NEMP2: variants seen among roughly 807,000 people sequenced by gnomAD.
NEMP2 encodes the protein nuclear envelope integral membrane protein 2.
Under a neutral mutation model 54.2 loss-of-function variants are expected in NEMP2, and 53 were observed. The ratio of observed to expected loss-of-function variants is 0.98; its 90% CI spans 0.78 to 1.23. The LOEUF is 1.23. Ranked by LOEUF, NEMP2 falls within the 50% of genes most tolerant of loss-of-function variation. NEMP2 has a pLI of 0.00. For missense variants in NEMP2, 455 were observed against 511.3 expected, an observed-to-expected ratio of 0.89 and a Z score of 1.06; for synonymous variants, 197 against 190.3, an observed-to-expected ratio of 1.04 and a Z score of -0.29.
chr2:190,547,636 G>A, the NEMP2 span, among the ~76,000 whole-genome samples: 87 of 152,190 alleles, frequency 5.7e-4, 1 homozygote, highest in South Asian at 0.016. The surrounding 1 kb of genome is among the most constrained non-coding windows in gnomAD (Gnocchi z 6.2). Context: ...AGCGATTCTC[G>A]TGCTTCAACC....
chr2:190,510,429 T>C lies in NEMP2; in HGVS notation c.1062A>G (p.Leu354=), dbSNP rs2125304074. The change falls in exon 8 of 9, where the codon CTA becomes CTG. Residue 354 remains leucine (L), a synonymous_variant. Transcript: ENST00000409150. This position sits in a 1 kb window ranked among gnomAD's most constrained non-coding sequence, Gnocchi z 5.7. The stretch of plus-strand genomic sequence containing the variant: ...AGTCGGGTTTTCGGCAGGCCCGGCG[T>C]AGCTCCTCCAGAGCACTGTTCGTTT... ...DAETNSALEE[L]RRACRKPDFP... is the part of the protein sequence containing the mutation. The C allele has an allele frequency of 6.4e-7, 1 of 1,551,676 alleles. No homozygotes were observed. The highest frequency in any genetic ancestry group is 8.7e-7 in the Non-Finnish European group (1 of 1,146,986).
the NEMP2 span, among the ~76,000 whole-genome samples, chr2:190,588,293 C>T: frequency 6.6e-6 from 1 of 152,078 alleles, no homozygotes; most frequent in East Asian, 1.9e-4. This position sits in a 1 kb window ranked among gnomAD's most constrained non-coding sequence, Gnocchi z 5.0. Flanking sequence ...CTTTCAATGG[C>T]CTAGATTATA....
At chr2:190,607,119 C>T in the NEMP2 span, among the ~76,000 whole-genome samples, 1 of 152,118 alleles carries the variant, frequency 6.6e-6, no homozygotes. This position sits in a 1 kb window ranked among gnomAD's most constrained non-coding sequence, Gnocchi z 5.2. Context: ...AGAAGGGGTT[C>T]ACGAGGGCTG....
chr2:190,544,798 T>G, the NEMP2 span, among the ~76,000 whole-genome samples: 1 of 151,906 alleles, frequency 6.6e-6, no homozygotes, highest in Non-Finnish European at 1.5e-5. Flanking sequence ...ATTATTTTTT[T>G]AAAAAGTAGC....
chr2:190,452,909 C>T, the NEMP2 span, among the ~76,000 whole-genome samples: 17 of 152,118 alleles, frequency 1.1e-4, no homozygotes, highest in African/African-American at 1.4e-4. Context: ...ATGATGACCA[C>T]GTATCATTTA....
chr2:190,476,414 A>G, the NEMP2 span, among the ~76,000 whole-genome samples: 1 of 152,270 alleles, frequency 6.6e-6, no homozygotes, highest in Non-Finnish European at 1.5e-5. Context: ...GACTCTTCTC[A>G]AAAGAAGACA....
rs962569150 is a variant in NEMP2, at chr2:190,512,432, T to C, written c.954-1895A>G. 6.6e-5 allele frequency among the ~76,000 whole-genome samples: 10 copies of C among 152,330 alleles called. No individual in the cohort carries two copies. Among genetic ancestry groups the C allele is most frequent in the African/African-American group, 1.9e-4 (8 of 41,578 alleles). ...TAAACAGCTCTTTGCAACTAGAAAG[T>C]ACTATACAAAATAAAGGTATTATTT... On this transcript the variant is annotated intron_variant, in intron 7 of 8. Transcript: ENST00000409150. The surrounding 1 kb of genome is among the most constrained non-coding windows in gnomAD (Gnocchi z 4.5).
the NEMP2 span, among the ~76,000 whole-genome samples, chr2:190,556,196 C>G: frequency 6.6e-6 from 1 of 152,280 alleles, no homozygotes; most frequent in East Asian, 1.9e-4. Context: ...TAATTGTGAT[C>G]CATCACATAA....
chr2:190,429,509 G>A, the NEMP2 span, among the ~76,000 whole-genome samples: 1 of 151,846 alleles, frequency 6.6e-6, no homozygotes, highest in Non-Finnish European at 1.5e-5. Flanking sequence ...TATTTTTTTA[G>A]TAAAGACGGG....
the NEMP2 span, chr2:190,609,327 C>G: frequency 6.6e-6 from 1 of 152,170 alleles, no homozygotes; most frequent in Non-Finnish European, 1.5e-5. This position sits in a 1 kb window ranked among gnomAD's most constrained non-coding sequence, Gnocchi z 4.7. Context: ...TTTACTTAAT[C>G]TAAATGGGTC....
the NEMP2 span, among the ~76,000 whole-genome samples, chr2:190,603,014 A>C: frequency 6.6e-6 from 1 of 152,204 alleles, no homozygotes; most frequent in South Asian, 2.1e-4. Context: ...TATATCCATT[A>C]GCTTGATTTA....
In NEMP2 at chr2:190,514,587, C is replaced by T. The variant is rs779920979; in HGVS notation, c.819G>A (p.Trp273Ter). The part of the protein sequence containing the change: ...ADDRSRSLLM[W>*]MLRLLSLVLV... ...GAACCAGGGAGAGGAGTCGCAGCATCCACATCAGAAGACTTCTGCTCCTGT... is the reference window on the plus strand; with the variant it reads ...GAACCAGGGAGAGGAGTCGCAGCATTCACATCAGAAGACTTCTGCTCCTGT... Residue 273 changes from tryptophan to a stop codon, truncating the protein, a stop_gained, in exon 7 of 9, where the codon TGG becomes TGA. Coordinates refer to ENST00000409150, the MANE Select transcript of NEMP2 (RefSeq NM_001142645.2). LOFTEE classifies it high-confidence loss of function. The surrounding 1 kb of genome is among the most constrained non-coding windows in gnomAD (Gnocchi z 5.7). 10 of 1,551,696 alleles carry T rather than the reference C, an allele frequency of 6.4e-6. No individual in the cohort carries two copies. Among genetic ancestry groups the T allele is most frequent in the Non-Finnish European group, 7.8e-6 (9 of 1,146,980 alleles).
chr2:190,574,933 C>T, the NEMP2 span, among the ~76,000 whole-genome samples: 2 of 151,744 alleles, frequency 1.3e-5, no homozygotes, highest in South Asian at 4.2e-4. Flanking sequence ...CAGCTCACTA[C>T]GATCTCCACC....
At chr2:190,553,428 A>G in the NEMP2 span, 1 of 152,248 alleles carries the variant, frequency 6.6e-6, no homozygotes, top group Non-Finnish European at 1.5e-5. Context: ...TATCAGTCAT[A>G]TACTCCCAGA....
rs1690493265 is a variant in NEMP2, at chr2:190,514,763, A to G, written c.728-85T>C. ...CCTGGCAGAGCCTTGACTTAAAGGT[A>G]AAAACTATTAGAGAACCTTAATTTT... On this transcript the variant is annotated intron_variant, in intron 6 of 8. Coordinates refer to ENST00000409150, the MANE Select transcript of NEMP2 (RefSeq NM_001142645.2). This position sits in a 1 kb window ranked among gnomAD's most constrained non-coding sequence, Gnocchi z 5.7. 3.9e-6 allele frequency: 5 copies of G among 1,287,476 alleles called. No homozygotes were observed. The highest frequency in any genetic ancestry group is 5.4e-6 in the Non-Finnish European group (5 of 923,826). The allele number at this position is 1,287,476 out of a possible 1,614,324, so 79.8% of individuals were successfully genotyped here.
rs1690891591 is a variant in NEMP2 at position 190,525,268 on chromosome 2, T to C, written c.208A>G (p.Met70Val). The C allele has an allele frequency of 6.5e-7, 1 of 1,530,288 alleles. No homozygotes were observed. Among genetic ancestry groups the C allele is most frequent in the South Asian group, 1.2e-5 (1 of 83,518 alleles). The allele number at this position is 1,530,288 out of a possible 1,614,324, so 94.8% of individuals were successfully genotyped here. Residue 70 changes from methionine (M) to valine (V), a missense_variant, in exon 2 of 9, where the codon ATG becomes GTG. By Grantham distance (21) the Met-to-Val change is conservative. This residue lies in a region of NEMP2 where 61 missense variants were observed against 97.5 expected (regional missense o/e 0.63). Transcript: ENST00000409150. This position sits in a 1 kb window ranked among gnomAD's most constrained non-coding sequence, Gnocchi z 5.0. Reference protein sequence around the residue: ...QVEWKYIWSTMQVKITSPGLF... With the variant: ...QVEWKYIWSTVQVKITSPGLF... ...AGTTAAAAGTAGGCCCTTACCTGCA[T>C]AGTTGACCATATGTATTTCCACTCC... is the stretch of plus-strand genomic sequence containing the variant.
At chr2:190,584,931 GAAA>G in the NEMP2 span, among the ~76,000 whole-genome samples, 1 of 148,302 alleles carries the variant, frequency 6.7e-6, no homozygotes, top group African/African-American at 2.5e-5. This position sits in a 1 kb window ranked among gnomAD's most constrained non-coding sequence, Gnocchi z 4.2. Flanking sequence ...AAGAAAGAAA[GAAA>G]GAAAGAAAGA....
In NEMP2 at chr2:190,533,651, G is replaced by A. The variant is rs1390012643; in HGVS notation, c.97+908C>T. Among the ~76,000 whole-genome samples the A allele has an allele frequency of 6.6e-6, 1 of 152,086 alleles. No homozygotes were observed. The highest frequency in any genetic ancestry group is 1.5e-5 in the Non-Finnish European group (1 of 68,010). ...TAAAAAACCGCGGTATAACCGGAGGGAGGGCCATGCCCAGCTAAAAGAATA... is the reference window on the plus strand; with the variant it reads ...TAAAAAACCGCGGTATAACCGGAGGAAGGGCCATGCCCAGCTAAAAGAATA... On this transcript the variant is annotated intron_variant, in intron 1 of 8. Transcript: ENST00000409150. This position sits in a 1 kb window ranked among gnomAD's most constrained non-coding sequence, Gnocchi z 4.3.
downstream of NEMP2, among the ~76,000 whole-genome samples, chr2:190,502,757 T>C (rs901962338): frequency 6.6e-6 from 1 of 152,180 alleles, no homozygotes; most frequent in Admixed American, 6.5e-5. The surrounding 1 kb of genome is among the most constrained non-coding windows in gnomAD (Gnocchi z 4.4). Flanking sequence ...CAGCAGGGAA[T>C]CTAGGAAAAG....
Sources: gnomAD v4.1 joint callset for allele counts (sites outside exome capture counted in the v4.1 genomes callset) on GRCh38, gnomAD v4.1.1 for gene constraint, gnomAD v4.1.1 regional missense constraint, Gnocchi (gnomAD v3.1) non-coding constraint, MANE v1.5 for transcripts, NCBI Gene and HGNC (gene_info 2026-07-23, HGNC 2026-07-21) for gene names.